Variants in ATXN7L1 observed in about 807,000 individuals in gnomAD.
The protein encoded by ATXN7L1 is ataxin-7-like protein 1.
In ATXN7L1, 15 loss-of-function variants were observed where a neutral mutation model predicts 70.8. The observed-to-expected ratio is 0.21, with a 90% CI of 0.14 to 0.33. The LOEUF (loss-of-function observed/expected upper bound fraction) is 0.33. ATXN7L1 is among the 10% of genes least tolerant of loss of function. The probability of loss-of-function intolerance (pLI) is 1.00; values close to 1 mark genes in which losing one functional copy is unlikely to be tolerated. For synonymous variants in ATXN7L1, 440 were observed against 445.1 expected (o/e 0.99, Z 0.14); for missense variants, 975 against 1,097.1 (o/e 0.89, Z 1.57).
intron 4 of ATXN7L1, among the ~76,000 whole-genome samples, chr7:105,653,562 C>T (rs528392305): frequency 2.0e-5 from 3 of 152,346 alleles, no homozygotes; most frequent in Admixed American, 6.5e-5. Context: ...GACCAAAGTC[C>T]ACCTCTTAAA....
At position 105,604,894 on chromosome 7, in the gene ATXN7L1, T is replaced by G. The variant is rs1792687776; in HGVS notation, c.*2958A>C. 6.6e-6 allele frequency among the ~76,000 whole-genome samples: 1 copy of G among 152,008 alleles called. No homozygotes were observed. Among genetic ancestry groups the G allele is most frequent in the African/African-American group, 2.4e-5 (1 of 41,374 alleles). On this transcript the variant is annotated 3_prime_UTR_variant, in exon 12 of 12. Coordinates refer to ENST00000419735, the MANE Select transcript of ATXN7L1 (RefSeq NM_020725.2). ...CAAAATATAAGGTGTAAATAGAAAATTTCTTTTTTTCCTTTTTTAAAACAA... is the reference window on the plus strand; with the variant it reads ...CAAAATATAAGGTGTAAATAGAAAAGTTCTTTTTTTCCTTTTTTAAAACAA...
At chr7:105,639,429 A>G in intron 6 of ATXN7L1, 58 bp downstream of exon 6, 1 of 1,383,518 alleles carries the variant, frequency 7.2e-7, no homozygotes, top group Non-Finnish European at 1.0e-6. Flanking sequence ...TGGCATGCAA[A>G]CATTTCGACA....
At chr7:105,785,633 G>A (rs1033048584) in intron 3 of ATXN7L1, among the ~76,000 whole-genome samples, 6 of 152,138 alleles carry the variant, frequency 3.9e-5, no homozygotes, top group African/African-American at 1.2e-4. Context: ...GAATGTTTGC[G>A]TCCCTCGCAA....
intron 4 of ATXN7L1, among the ~76,000 whole-genome samples, chr7:105,653,721 T>A (rs1020768184): frequency 1.3e-5 from 2 of 152,106 alleles, no homozygotes; most frequent in Non-Finnish European, 2.9e-5. Context: ...GGTCCAAGTG[T>A]AACCTTCACA....
Position 105,876,520 on chromosome 7 carries a change from A to T in ATXN7L1, c.39T>A (p.Ala13=). Residue 13 remains alanine, a synonymous_variant, in exon 1 of 12, where the codon GCT becomes GCA. Transcript: ENST00000419735. Reference sequence around the variant, plus strand: ...TTTTCCCTGTTCCTTCGGCAGCAGCAGCCGAGAGACACGGGATTCGAGAAC... The same window carrying T: ...TTTTCCCTGTTCCTTCGGCAGCAGCTGCCGAGAGACACGGGATTCGAGAAC... ...SERSRIPCLS[A]AAAEGTGKKQ... is the part of the protein sequence containing the mutation. 1.2e-6 allele frequency: 2 copies of T among 1,610,260 alleles called. No individual in the cohort carries two copies. Among genetic ancestry groups the T allele is most frequent in the Non-Finnish European group, 8.5e-7 (1 of 1,178,244 alleles).
In ATXN7L1 at chr7:105,642,910, G is replaced by C; in HGVS notation, c.790C>G (p.Leu264Val). 1.3e-6 allele frequency: 2 copies of C among 1,551,746 alleles called. No homozygotes were observed. The highest frequency in any genetic ancestry group is 4.9e-5 in the East Asian group (2 of 40,924). Residue 264 changes from leucine (L) to valine (V), a missense_variant, in exon 5 of 12, where the codon CTG becomes GTG. Physicochemically the swap from Leu to Val is conservative, Grantham distance 32. Coordinates refer to ENST00000419735, the MANE Select transcript of ATXN7L1 (RefSeq NM_020725.2). ...PEKILNGKGILPTTIDKKHQN... is the reference protein window; with the variant it reads ...PEKILNGKGIVPTTIDKKHQN... ...TGTTTCTTGTCTATGGTGGTTGGCA[G>C]AATTCCTTTGCCATTTAAGATCTTC...
At position 105,605,592 on chromosome 7, in the gene ATXN7L1, C is replaced by A. The variant is rs1174726566; in HGVS notation, c.*2260G>T. On this transcript the variant is annotated 3_prime_UTR_variant, in exon 12 of 12. Coordinates refer to ENST00000419735, the MANE Select transcript of ATXN7L1 (RefSeq NM_020725.2). The stretch of plus-strand genomic sequence containing the variant: ...TTGAGACATTATTTCTCAGAAGCAG[C>A]CACTTAATCTCTCAACCTTTGTTTT... The A allele has an allele frequency of 2.0e-5, 3 of 152,116 alleles. No homozygotes were observed. In the East Asian group the frequency reaches 5.8e-4, roughly 29 times the overall value. 9.4% of individuals were successfully genotyped at this position (152,116 alleles called of 1,614,324 possible). A position where few individuals can be genotyped will look rare whatever the true frequency, so the allele number is the denominator to read the frequency against.
chr7:105,611,464 G>T (rs556039182), intron 10 of ATXN7L1, among the ~76,000 whole-genome samples: 2 of 152,292 alleles, frequency 1.3e-5, no homozygotes, highest in Admixed American at 6.5e-5. Flanking sequence ...CTCTGCCTCT[G>T]GGGTTCAAGT....
intron 3 of ATXN7L1, among the ~76,000 whole-genome samples, chr7:105,747,254 G>A (rs777732601): frequency 4.6e-5 from 7 of 152,180 alleles, no homozygotes; most frequent in Non-Finnish European, 1.5e-5. Context: ...GAGGCTGAGG[G>A]TTGAGTTCAT....
chr7:105,760,360 T>C (rs1800386287), intron 3 of ATXN7L1: 1 of 928,066 alleles, frequency 1.1e-6, no homozygotes, highest in African/African-American at 1.8e-5. Context: ...ATTTTATATA[T>C]GAGGAAACAG....
At chr7:105,815,941 A>C (rs1254296311) in intron 2 of ATXN7L1, among the ~76,000 whole-genome samples, 1 of 152,238 alleles carries the variant, frequency 6.6e-6, no homozygotes, top group Non-Finnish European at 1.5e-5. Context: ...CGGTCTTTTA[A>C]AGGCAATTAT....
At chr7:105,700,559 G>C (rs1405920221) in intron 3 of ATXN7L1, among the ~76,000 whole-genome samples, 1 of 148,698 alleles carries the variant, frequency 6.7e-6, no homozygotes, top group Non-Finnish European at 1.5e-5. Flanking sequence ...CAGCAATGTT[G>C]CTCCATGAAT....
Position 105,645,686 on chromosome 7 carries a change from G to A in ATXN7L1, c.579-2565C>T, listed in dbSNP as rs574437834. ...AAATTAGCCAGGCGTGGCAGCGGGC[G>A]CCTGTAGTCCCAGCTACTCCAGAGG... On this transcript the variant is annotated intron_variant, in intron 4 of 11. Transcript: ENST00000419735. Among the ~76,000 whole-genome samples the A allele has an allele frequency of 5.3e-4, 81 of 151,600 alleles. 1 individual carries two copies. The highest frequency in any genetic ancestry group is 7.5e-4 in the African/African-American group (31 of 41,342).
intron 2 of ATXN7L1, among the ~76,000 whole-genome samples, chr7:105,845,193 A>G: frequency 7.5e-6 from 1 of 133,874 alleles, no homozygotes; most frequent in Non-Finnish European, 1.6e-5. Context: ...TGACAGAGCA[A>G]AACTCTGTCT....
intron 2 of ATXN7L1, among the ~76,000 whole-genome samples, chr7:105,848,895 G>A (rs1305874960): frequency 6.6e-6 from 1 of 152,048 alleles, no homozygotes; most frequent in Non-Finnish European, 1.5e-5. Context: ...CTCAGGGCTG[G>A]GTCACTGCTT....
chr7:105,851,375 C>T (rs184686307), intron 2 of ATXN7L1, among the ~76,000 whole-genome samples: 32 of 152,294 alleles, frequency 2.1e-4, no homozygotes, highest in Admixed American at 1.4e-3. Context: ...CAACTATACG[C>T]AGAGATGGGA....
intron 3 of ATXN7L1, among the ~76,000 whole-genome samples, chr7:105,777,784 T>A (rs1802944181): frequency 6.6e-6 from 1 of 152,194 alleles, no homozygotes; most frequent in Non-Finnish European, 1.5e-5. Flanking sequence ...CCTCACTCAA[T>A]ACCCCCCAGT....
intron 3 of ATXN7L1, among the ~76,000 whole-genome samples, chr7:105,688,037 AG>A (rs1790187286): frequency 6.6e-6 from 1 of 152,232 alleles, no homozygotes; most frequent in Non-Finnish European, 1.5e-5. Context: ...TATGGAACCA[AG>A]GTTGCGGAGT....
At chr7:105,629,643 G>A (rs1484487828) in intron 7 of ATXN7L1, among the ~76,000 whole-genome samples, 10 of 150,988 alleles carry the variant, frequency 6.6e-5, no homozygotes, top group Admixed American at 4.0e-4. Context: ...AGCCTCCTGC[G>A]TAGCTGGGAC....
Sources: gnomAD v4.1 joint callset for allele counts (sites outside exome capture counted in the v4.1 genomes callset) on GRCh38, gnomAD v4.1.1 for gene constraint, MANE v1.5 for transcripts, NCBI Gene and HGNC (gene_info 2026-07-23, HGNC 2026-07-21) for gene names.